AKAP6: variants seen among roughly 807,000 people sequenced by gnomAD.
The protein encoded by AKAP6 is A-kinase anchoring protein 6, also known as A-kinase anchor protein 6.
In AKAP6, 58 loss-of-function variants were observed where a neutral mutation model predicts 188.5. That is an observed-to-expected ratio of 0.31 (90% CI 0.25 to 0.38). The LOEUF (loss-of-function observed/expected upper bound fraction) is 0.38. Ranked by LOEUF, AKAP6 falls within the 10% of genes least tolerant of loss-of-function variation. AKAP6 has a pLI of 1.00. For synonymous variants in AKAP6, 989 were observed against 998.6 expected (o/e 0.99, Z 0.18); for missense variants, 2,710 against 2,740.0 (o/e 0.99, Z 0.24).
At chr14:32,649,125 T>C (rs1888104661) in intron 7 of AKAP6, among the ~76,000 whole-genome samples, 1 of 152,122 alleles carries the variant, frequency 6.6e-6, no homozygotes, top group Admixed American at 6.6e-5. Context: ...TAATTCTCTG[T>C]CTTCTCTAAA....
At chr14:32,370,802 C>T (rs1887980899) in intron 1 of AKAP6, among the ~76,000 whole-genome samples, 4 of 152,140 alleles carry the variant, frequency 2.6e-5, no homozygotes, top group Admixed American at 2.6e-4. Flanking sequence ...GTTTTGCTGG[C>T]ATGAAAAGAC....
At chr14:32,716,266 G>T (rs1396312155) in intron 9 of AKAP6, among the ~76,000 whole-genome samples, 1 of 151,708 alleles carries the variant, frequency 6.6e-6, no homozygotes, top group Non-Finnish European at 1.5e-5. Context: ...ATATGTATAG[G>T]TTTTAAGAAG....
chr14:32,813,900 G>A (rs977784724), intron 12 of AKAP6, among the ~76,000 whole-genome samples: 6 of 149,140 alleles, frequency 4.0e-5, no homozygotes, highest in East Asian at 1.9e-4. Context: ...TGCAGGGGGC[G>A]GTTGTTATGT....
At chr14:32,411,139 G>A (rs1032070985) in intron 1 of AKAP6, among the ~76,000 whole-genome samples, 11 of 152,050 alleles carry the variant, frequency 7.2e-5, no homozygotes, top group East Asian at 1.9e-4. Context: ...TGGAGAGGTC[G>A]TGGCATCTAA....
intron 10 of AKAP6, chr14:32,732,849 T>A (rs138252885): frequency 0.013 from 7,792 of 603,668 alleles, 66 homozygotes; most frequent in Middle Eastern, 0.021. Context: ...AAAAAGTAAG[T>A]AAAATATGCC....
intron 2 of AKAP6, among the ~76,000 whole-genome samples, chr14:32,440,450 G>C (rs1158321479): frequency 6.6e-6 from 1 of 151,766 alleles, no homozygotes; most frequent in Non-Finnish European, 1.5e-5. Context: ...TGCACATTGT[G>C]CACATGTACC....
At chr14:32,569,381 C>G (rs764841293) in intron 4 of AKAP6, among the ~76,000 whole-genome samples, 1 of 152,174 alleles carries the variant, frequency 6.6e-6, no homozygotes, top group Non-Finnish European at 1.5e-5. Context: ...TCTCTTCAAT[C>G]TTTGTTCTAA....
At chr14:32,763,067 G>T (rs548923438) in intron 11 of AKAP6, among the ~76,000 whole-genome samples, 1 of 151,914 alleles carries the variant, frequency 6.6e-6, no homozygotes, top group Non-Finnish European at 1.5e-5. Flanking sequence ...GTACAATGTC[G>T]AAACTATTTT....
chr14:32,578,616 G>C (rs1291673609), intron 5 of AKAP6, among the ~76,000 whole-genome samples: 1 of 152,154 alleles, frequency 6.6e-6, no homozygotes, highest in Non-Finnish European at 1.5e-5. Flanking sequence ...GCATTGTTCT[G>C]ACAGAAATTC....
intron 1 of AKAP6, among the ~76,000 whole-genome samples, chr14:32,398,201 C>A (rs985354425): frequency 6.6e-6 from 1 of 152,216 alleles, no homozygotes; most frequent in African/African-American, 2.4e-5. Context: ...GGAGTGCTCC[C>A]ATGCTTTCTT....
At chr14:32,736,077 T>C (rs544193158) in intron 11 of AKAP6, among the ~76,000 whole-genome samples, 195 bp downstream of exon 11, 1 of 152,288 alleles carries the variant, frequency 6.6e-6, no homozygotes, top group South Asian at 2.1e-4. Context: ...GCATATCACA[T>C]ATACATTGTA....
intron 9 of AKAP6, among the ~76,000 whole-genome samples, chr14:32,699,989 C>G (rs1890558473): frequency 6.6e-6 from 1 of 152,174 alleles, no homozygotes; most frequent in Non-Finnish European, 1.5e-5. Flanking sequence ...ATATTTAAAA[C>G]CCACTTGTGA....
intron 1 of AKAP6, among the ~76,000 whole-genome samples, chr14:32,378,952 CTT>C (rs1246269508): frequency 1.5e-5 from 2 of 134,526 alleles, no homozygotes; most frequent in African/African-American, 5.7e-5. Flanking sequence ...GAATTTCACT[CTT>C]GTCACCCAGG....
chr14:32,460,423 C>A (rs1891282965), intron 2 of AKAP6, among the ~76,000 whole-genome samples: 1 of 152,212 alleles, frequency 6.6e-6, no homozygotes, highest in African/African-American at 2.4e-5. Flanking sequence ...GTGGGTCCAA[C>A]CCACAGAGGG....
chr14:32,606,686 CAG>C (rs10568715), intron 7 of AKAP6, among the ~76,000 whole-genome samples: 38,467 of 152,024 alleles, frequency 0.25, 5,464 homozygotes, highest in African/African-American at 0.37. Flanking sequence ...TGAAAGGAGA[CAG>C]AGAGTTAGCT....
intron 2 of AKAP6, among the ~76,000 whole-genome samples, chr14:32,534,096 AT>A (rs1299383866): frequency 6.6e-6 from 1 of 152,038 alleles, no homozygotes; most frequent in Non-Finnish European, 1.5e-5. Context: ...TCTTCAATAG[AT>A]TTTTTCCCTT....
At chr14:32,812,106 A>T (rs748746714) in intron 12 of AKAP6, among the ~76,000 whole-genome samples, 2 of 152,200 alleles carry the variant, frequency 1.3e-5, no homozygotes, top group African/African-American at 2.4e-5. Context: ...CTCACATGTT[A>T]TGTCAATCCC....
chr14:32,769,245 A>C (rs1235138975), intron 11 of AKAP6, among the ~76,000 whole-genome samples: 3 of 150,912 alleles, frequency 2.0e-5, no homozygotes, highest in Non-Finnish European at 4.4e-5. Flanking sequence ...ATGGGGTTTC[A>C]CTGTGTTGGA....
At position 32,546,889 on chromosome 14, in the gene AKAP6, T is replaced by G; in HGVS notation, c.2236T>G (p.Ser746Ala). Residue 746 changes from serine (S) to alanine (A), a missense_variant, in exon 4 of 14, where the codon TCC becomes GCC. By Grantham distance (99) the Ser-to-Ala change is moderately conservative. Around this residue, in one of 2 missense-constraint regions of AKAP6, gnomAD observed 2,473 missense variants for 2,426.1 expected, o/e 1.02. Coordinates refer to ENST00000280979, the MANE Select transcript of AKAP6 (RefSeq NM_004274.5). ...YADEKSERASSSEKNESHSAT... is the reference protein window; with the variant it reads ...YADEKSERASASEKNESHSAT... ...TGATGAGAAGTCAGAAAGAGCTTCA[T>G]CCTCTGAGAAAAATGAGAGCCATTC... 6.2e-7 allele frequency: 1 copy of G among 1,614,006 alleles called. No homozygotes were observed. The highest frequency in any genetic ancestry group is 8.5e-7 in the Non-Finnish European group (1 of 1,179,998).
Sources: gnomAD v4.1 joint callset for allele counts (sites outside exome capture counted in the v4.1 genomes callset) on GRCh38, gnomAD v4.1.1 for gene constraint, gnomAD v4.1.1 regional missense constraint, MANE v1.5 for transcripts, NCBI Gene and HGNC (gene_info 2026-07-23, HGNC 2026-07-21) for gene names.